ADA2: variants seen among roughly 807,000 people sequenced by gnomAD.
The protein encoded by ADA2 is adenosine deaminase 2.
ADA2 carries 29 observed loss-of-function variants against 44.2 expected under a neutral mutation model. The ratio of observed to expected loss-of-function variants is 0.66; its 90% CI spans 0.49 to 0.89. The LOEUF (loss-of-function observed/expected upper bound fraction) is 0.89. ADA2 is among the 40% of genes least tolerant of loss of function. The pLI is 0.00. For missense variants in ADA2, 637 were observed against 644.8 expected (o/e 0.99, Z 0.13); for synonymous variants, 215 against 234.9 (o/e 0.92, Z 0.77).
intron 7 of ADA2, among the ~76,000 whole-genome samples, chr22:17,183,569 C>G (rs537666927): frequency 2.7e-5 from 4 of 146,226 alleles, no homozygotes; most frequent in South Asian, 4.3e-4. Flanking sequence ...CAAGCGGATT[C>G]TCCTGCCTCA....
In ADA2 at chr22:17,179,639, C is replaced by G. The variant is rs2061946813; in HGVS notation, c.*1844G>C. 6.6e-6 allele frequency: 1 copy of G among 152,206 alleles called. No homozygotes were observed. The highest frequency in any genetic ancestry group is 1.5e-5 in the Non-Finnish European group (1 of 68,120). The allele number at this position is 152,206 out of a possible 1,614,324, so 9.4% of individuals were successfully genotyped here. ...CCAGGCAGAGAGAAAGAGAAAAGAC[C>G]CAGGCACGGTATAGAGCCGAGGACA... On this transcript the variant is annotated 3_prime_UTR_variant, in exon 10 of 10. Coordinates refer to ENST00000399837, the MANE Select transcript of ADA2 (RefSeq NM_001282225.2).
intron 6 of ADA2, among the ~76,000 whole-genome samples, chr22:17,189,151 G>C (rs531560772): frequency 1.1e-4 from 16 of 151,290 alleles, no homozygotes; most frequent in African/African-American, 3.4e-4. Context: ...CAAGTAGCTG[G>C]GATTACAGGT....
intron 4 of ADA2, among the ~76,000 whole-genome samples, chr22:17,196,359 A>T (rs749558325): frequency 7.3e-5 from 11 of 151,392 alleles, no homozygotes; most frequent in Non-Finnish European, 5.9e-5. Flanking sequence ...TCTTAATTTT[A>T]ACATCTAATA....
Position 17,182,014 on chromosome 22 carries a change from T to A in ADA2, c.1248A>T (p.Lys416Asn). The A allele has an allele frequency of 1.2e-6, 2 of 1,613,318 alleles. No homozygotes were observed. Among genetic ancestry groups the A allele is most frequent in the Non-Finnish European group, 1.7e-6 (2 of 1,179,530 alleles). Residue 416 changes from lysine (K) to asparagine (N), a missense_variant, in exon 9 of 10, where the codon AAA becomes AAT. Lys to Asn is a moderately conservative substitution (Grantham distance 94). Transcript: ENST00000399837. ...EVCPISNQVL[K>N]LVSDLRNHPV... Reference sequence around the variant, plus strand: ...GGTGGTTCCTCAAGTCAGACACCAGTTTCAGCACCTGCGCAATAGGAGGGA... The same window carrying A: ...GGTGGTTCCTCAAGTCAGACACCAGATTCAGCACCTGCGCAATAGGAGGGA...
At chr22:17,187,737 T>A (rs2062053222) in intron 7 of ADA2, among the ~76,000 whole-genome samples, 1 of 151,390 alleles carries the variant, frequency 6.6e-6, no homozygotes, top group South Asian at 2.1e-4. Context: ...TCTTTAACCC[T>A]GGACCACTGT....
At chr22:17,218,346 G>A (rs1241199922) in intron 1 of ADA2, among the ~76,000 whole-genome samples, 1 of 152,076 alleles carries the variant, frequency 6.6e-6, no homozygotes, top group African/African-American at 2.4e-5. Flanking sequence ...TTTTAAGAAG[G>A]AACTAGTATC....
At position 17,209,596 on chromosome 22, in the gene ADA2, G is replaced by C. The variant is rs1206265681; in HGVS notation, c.82C>G (p.Leu28Val). The C allele has an allele frequency of 6.2e-7, 1 of 1,614,106 alleles. No individual in the cohort carries two copies. Among genetic ancestry groups the C allele is most frequent in the Admixed American group, 1.7e-5 (1 of 59,994 alleles). ...TGCGCCCGTGTTTCATCTATGGATAGAGCTGAGCCGAAGAAAGACATTGCC... is the reference window on the plus strand; with the variant it reads ...TGCGCCCGTGTTTCATCTATGGATACAGCTGAGCCGAAGAAAGACATTGCC... ...AVAMSFFGSALSIDETRAHLL... is the reference protein window; with the variant it reads ...AVAMSFFGSAVSIDETRAHLL... The change falls in exon 2 of 10, where the codon CTA becomes GTA. Residue 28 changes from leucine to valine, a missense_variant. Coordinates refer to ENST00000399837, the MANE Select transcript of ADA2 (RefSeq NM_001282225.2).
chr22:17,212,961 T>A (rs1238917344), intron 1 of ADA2, among the ~76,000 whole-genome samples: 1 of 150,592 alleles, frequency 6.6e-6, no homozygotes, highest in Non-Finnish European at 1.5e-5. Flanking sequence ...AGCTAATTTT[T>A]TTTTTTTCTT....
chr22:17,186,103 G>A (rs565745876), intron 7 of ADA2, among the ~76,000 whole-genome samples: 96 of 152,314 alleles, frequency 6.3e-4, no homozygotes, highest in Admixed American at 8.5e-4. Context: ...CCTGCATGGG[G>A]CAGGGCAGGG....
chr22:17,190,542 G>C (rs971131785), intron 5 of ADA2, among the ~76,000 whole-genome samples: 2 of 152,210 alleles, frequency 1.3e-5, no homozygotes, highest in African/African-American at 4.8e-5. Context: ...CCCTACAGGG[G>C]CAAGGCAGGC....
chr22:17,183,358 C>A (rs868267634), intron 7 of ADA2, among the ~76,000 whole-genome samples: 2 of 151,342 alleles, frequency 1.3e-5, no homozygotes, highest in Non-Finnish European at 2.9e-5. Flanking sequence ...GCTGGGATTA[C>A]AGGCGTGAGC....
intron 3 of ADA2, among the ~76,000 whole-genome samples, chr22:17,204,967 T>C (rs1404018782): frequency 1.3e-5 from 2 of 151,818 alleles, no homozygotes; most frequent in African/African-American, 2.4e-5. Flanking sequence ...GGTTAATTTT[T>C]TATTTTTTGT....
chr22:17,211,639 A>T (rs941372582), intron 1 of ADA2, among the ~76,000 whole-genome samples: 3 of 151,634 alleles, frequency 2.0e-5, no homozygotes, highest in African/African-American at 7.3e-5. Context: ...TCTAATAAAT[A>T]AATGAATTGG....
At chr22:17,194,797 G>C (rs1453645953) in intron 4 of ADA2, among the ~76,000 whole-genome samples, 2 of 151,748 alleles carry the variant, frequency 1.3e-5, no homozygotes, top group South Asian at 2.1e-4. Context: ...TTACTGAAGA[G>C]GGTCAGAATA....
At position 17,186,068 on chromosome 22, in the gene ADA2, G is replaced by A. The variant is rs187745018; in HGVS notation, c.1081+2271C>T. Among the ~76,000 whole-genome samples the A allele has an allele frequency of 2.6e-5, 4 of 152,350 alleles. No individual in the cohort carries two copies. The South Asian group carries it at 6.2e-4, about 24-fold the overall frequency. On this transcript the variant is annotated intron_variant, in intron 7 of 9. Coordinates refer to ENST00000399837, the MANE Select transcript of ADA2 (RefSeq NM_001282225.2). ...AGAAAGATGTGGCTGGGCTGATGGC[G>A]TTTCAGGAGGAACAGCAGCCAGGGC... is the stretch of plus-strand genomic sequence containing the variant.
chr22:17,184,744 C>T (rs1295599096), intron 7 of ADA2, among the ~76,000 whole-genome samples: 3 of 150,132 alleles, frequency 2.0e-5, no homozygotes, highest in Non-Finnish European at 4.4e-5. Flanking sequence ...CCATGGGCAA[C>T]ATAGAGACAC....
intron 1 of ADA2, among the ~76,000 whole-genome samples, chr22:17,218,588 A>G (rs1298571884): frequency 6.6e-6 from 1 of 152,030 alleles, no homozygotes; most frequent in Non-Finnish European, 1.5e-5. Flanking sequence ...CTGGTGACAC[A>G]TAACAAAGGC....
intron 4 of ADA2, chr22:17,198,935 A>C (rs1196675069): frequency 6.5e-6 from 1 of 153,614 alleles, no homozygotes; most frequent in Non-Finnish European, 1.4e-5. Context: ...GGCCGGAATT[A>C]GCCTGCGACC....
chr22:17,199,848 G>A, intron 4 of ADA2: 1 of 1,016,950 alleles, frequency 9.8e-7, no homozygotes, highest in East Asian at 3.6e-5. Flanking sequence ...GGAGGCCGAC[G>A]TGGGTGTATT....
Sources: gnomAD v4.1 joint callset for allele counts (sites outside exome capture counted in the v4.1 genomes callset) on GRCh38, gnomAD v4.1.1 for gene constraint, MANE v1.5 for transcripts, NCBI Gene and HGNC (gene_info 2026-07-23, HGNC 2026-07-21) for gene names.